NAALADL2: variants seen among roughly 807,000 people sequenced by gnomAD.
NAALADL2 encodes N-acetylated alpha-linked acidic dipeptidase like 2, also known as inactive N-acetylated-alpha-linked acidic dipeptidase-like protein 2.
Under a neutral mutation model 87.2 loss-of-function variants are expected in NAALADL2, and 76 were observed. The observed-to-expected ratio is 0.87, with a 90% CI of 0.72 to 1.05. The LOEUF (loss-of-function observed/expected upper bound fraction) is 1.05. Ranked by LOEUF, NAALADL2 falls within the 50% of genes least tolerant of loss-of-function variation. NAALADL2 has a pLI of 0.00. For missense variants in NAALADL2, 1,089 were observed against 945.8 expected (o/e 1.15, Z -1.99); for synonymous variants, 354 against 331.0 (o/e 1.07, Z -0.75).
At chr3:175,486,697 T>C (rs1051282148) in intron 9 of NAALADL2, among the ~76,000 whole-genome samples, 3 of 152,174 alleles carry the variant, frequency 2.0e-5, no homozygotes, top group Admixed American at 6.6e-5. Context: ...AGAAACGATA[T>C]GAGTGCCATA....
chr3:175,313,975 T>G (rs1203375378), intron 4 of NAALADL2, among the ~76,000 whole-genome samples: 2 of 151,212 alleles, frequency 1.3e-5, no homozygotes. Flanking sequence ...GGCAGGAGAA[T>G]TGCTTGAACC....
At chr3:174,833,299 A>C (rs1316675842) in intron 3 of NAALADL2, among the ~76,000 whole-genome samples, 1 of 152,160 alleles carries the variant, frequency 6.6e-6, no homozygotes, top group African/African-American at 2.4e-5. Flanking sequence ...AATTCATTGA[A>C]CATCTCAGAT....
chr3:175,115,087 T>C (rs1432066343), intron 2 of NAALADL2: 1 of 151,682 alleles, frequency 6.6e-6, no homozygotes, highest in Non-Finnish European at 1.5e-5. Context: ...TGATAAAATA[T>C]GCCTATCAAC....
At chr3:175,493,744 C>A (rs1390784735) in intron 9 of NAALADL2, among the ~76,000 whole-genome samples, 2 of 152,088 alleles carry the variant, frequency 1.3e-5, no homozygotes, top group Non-Finnish European at 1.5e-5. Context: ...ACTGTTTTTT[C>A]AATCTGCTAG....
chr3:174,460,235 A>G (rs1313369049), intron 1 of NAALADL2, among the ~76,000 whole-genome samples: 1 of 147,772 alleles, frequency 6.8e-6, no homozygotes, highest in Non-Finnish European at 1.5e-5. Context: ...AATGGGAAAG[A>G]ATTCAAATAT....
intron 11 of NAALADL2, among the ~76,000 whole-genome samples, chr3:175,658,798 A>G (rs541060335): frequency 6.6e-6 from 1 of 152,294 alleles, no homozygotes; most frequent in East Asian, 1.9e-4. Flanking sequence ...CTAAAGTTGT[A>G]CATCTGCCTT....
chr3:175,004,202 T>G (rs1187536148), intron 1 of NAALADL2, among the ~76,000 whole-genome samples: 5 of 151,940 alleles, frequency 3.3e-5, no homozygotes, highest in Admixed American at 3.3e-4. Context: ...AGTGAGATGC[T>G]ATCTCTATTA....
At chr3:175,583,012 G>GTCCAATAAACCCACTGTA (rs538664874) in intron 10 of NAALADL2, among the ~76,000 whole-genome samples, 5,179 of 152,128 alleles carry the variant, frequency 0.034, 131 homozygotes, top group Non-Finnish European at 0.047. Flanking sequence ...TTACAGTGGG[G>GTCCAATAAACCCACTGTA]TTACAGCCCA....
intron 11 of NAALADL2, among the ~76,000 whole-genome samples, chr3:175,695,673 T>C (rs1737677717): frequency 6.6e-6 from 1 of 152,090 alleles, no homozygotes. Flanking sequence ...TAAAAAATAG[T>C]AGAAATAAAT....
At chr3:175,002,206 C>T (rs1748339896) in intron 1 of NAALADL2, among the ~76,000 whole-genome samples, 1 of 152,190 alleles carries the variant, frequency 6.6e-6, no homozygotes, top group South Asian at 2.1e-4. Flanking sequence ...GAAAAGGTCA[C>T]AAAGACTTGC....
chr3:175,309,530 A>G (rs1581359306), intron 4 of NAALADL2, among the ~76,000 whole-genome samples: 1 of 152,082 alleles, frequency 6.6e-6, no homozygotes, highest in South Asian at 2.1e-4. Flanking sequence ...ATAAAATTGT[A>G]GAAAAAAAAA....
At chr3:174,592,740 A>G (rs1220423377) in intron 2 of NAALADL2, among the ~76,000 whole-genome samples, 1 of 152,134 alleles carries the variant, frequency 6.6e-6, no homozygotes. Context: ...AATCTGTGTA[A>G]CAATGCCCCT....
Position 175,097,195 on chromosome 3 carries a change from G to C in NAALADL2, c.449G>C (p.Cys150Ser), listed in dbSNP as rs767311426. 6.2e-7 allele frequency: 1 copy of C among 1,613,420 alleles called. No individual in the cohort carries two copies. The highest frequency in any genetic ancestry group is 1.1e-5 in the South Asian group (1 of 91,074). ...ATAGGTTATTATGTACATACAAATTGCCCTTCAGATGCTCCATCTTCAGGA... is the reference window on the plus strand; with the variant it reads ...ATAGGTTATTATGTACATACAAATTCCCCTTCAGATGCTCCATCTTCAGGA... ...ILIGYYVHTN[C>S]PSDAPSSGTV... is the part of the protein sequence containing the mutation. The change falls in exon 2 of 14, where the codon TGC becomes TCC. Residue 150 changes from cysteine (C) to serine (S), a missense_variant. Cys to Ser is a moderately radical substitution (Grantham distance 112). Transcript: ENST00000454872.
At chr3:175,232,406 C>G (rs903125397) in intron 2 of NAALADL2, among the ~76,000 whole-genome samples, 4 of 151,976 alleles carry the variant, frequency 2.6e-5, no homozygotes, top group Non-Finnish European at 5.9e-5. Context: ...TTGTGTAATG[C>G]TTTTTTACCA....
chr3:174,747,828 A>G (rs546472566), intron 3 of NAALADL2, among the ~76,000 whole-genome samples: 16 of 152,158 alleles, frequency 1.1e-4, no homozygotes, highest in African/African-American at 3.4e-4. Flanking sequence ...TCAAAAGAAT[A>G]TTAAATCATT....
intron 8 of NAALADL2, among the ~76,000 whole-genome samples, chr3:175,470,178 T>C (rs1266143702): frequency 6.6e-6 from 1 of 152,126 alleles, no homozygotes; most frequent in African/African-American, 2.4e-5. Flanking sequence ...ATTGTGTATA[T>C]ATAACACATT....
chr3:174,622,592 G>A (rs1428022987), intron 2 of NAALADL2, among the ~76,000 whole-genome samples: 2 of 152,066 alleles, frequency 1.3e-5, no homozygotes, highest in Admixed American at 6.5e-5. Flanking sequence ...TAGCACAACC[G>A]TCAATTAATG....
intron 1 of NAALADL2, among the ~76,000 whole-genome samples, chr3:174,953,009 T>C (rs977987077): frequency 6.6e-6 from 1 of 151,974 alleles, no homozygotes; most frequent in Admixed American, 6.6e-5. Context: ...TAGGAGGCAA[T>C]ATTCTTTGAG....
chr3:174,762,087 T>C lies in NAALADL2; in HGVS notation c.-9+24341T>C, dbSNP rs565347769. Among the ~76,000 whole-genome samples the C allele has an allele frequency of 1.1e-3, 171 of 152,076 alleles. 1 individual carries two copies. The highest frequency in any genetic ancestry group is 4.1e-3 in the African/African-American group (168 of 41,464). On this transcript the variant is annotated intron_variant, in intron 3 of 3. Coordinates refer to the NAALADL2 transcript ENST00000434257. The stretch of plus-strand genomic sequence containing the variant: ...TATCATGTATTTTTTAAAGCTATAT[T>C]GATATTGATTTTTTCTATTTTTTGA...
Sources: allele counts gnomAD v4.1 joint callset (sites outside exome capture counted in the v4.1 genomes callset), GRCh38; gene constraint gnomAD v4.1.1; transcripts MANE v1.5; gene names NCBI Gene and HGNC (gene_info 2026-07-23, HGNC 2026-07-21).